Variants in SATB2 observed in about 807,000 individuals in gnomAD.
SATB2 encodes the protein DNA-binding protein SATB2.
SATB2 carries 1 observed loss-of-function variant against 73.4 expected under a neutral mutation model. That is an observed-to-expected ratio of 0.01 (90% CI 0.00 to 0.06). The LOEUF (loss-of-function observed/expected upper bound fraction) is 0.06. Among genes scored for constraint, SATB2 ranks in the 10% least tolerant of loss-of-function variants. SATB2 has a pLI of 1.00. For missense variants in SATB2, 459 were observed against 945.8 expected (o/e 0.49, Z 6.75); for synonymous variants, 397 against 367.0 (o/e 1.08, Z -0.93).
chr2:199,370,061 G>A (rs1419864981), intron 5 of SATB2, among the ~76,000 whole-genome samples: 1 of 152,070 alleles, frequency 6.6e-6, no homozygotes, highest in Admixed American at 6.6e-5. Context: ...GAACCTATGA[G>A]GCCTTGTCTC....
intron 10 of SATB2, among the ~76,000 whole-genome samples, chr2:199,273,394 C>G (rs1419485833): frequency 6.6e-6 from 1 of 152,166 alleles, no homozygotes; most frequent in East Asian, 1.9e-4. Flanking sequence ...TGCCTCATCT[C>G]TGGCTTAGAG....
In SATB2 at chr2:199,457,834, G is replaced by C. The variant is rs1299663077; in HGVS notation, c.-555C>G. ...CGGTAACACCAAGAGCCGAGAAGACGCAGGGACCCGGGACCGCGCGCGGGA... is the reference window on the plus strand; with the variant it reads ...CGGTAACACCAAGAGCCGAGAAGACCCAGGGACCCGGGACCGCGCGCGGGA... On this transcript the variant is annotated 5_prime_UTR_variant, in exon 1 of 11. Transcript: ENST00000417098. The surrounding 1 kb of genome is among the most constrained non-coding windows in gnomAD (Gnocchi z 4.8). 6.5e-6 allele frequency: 1 copy of C among 153,618 alleles called. No individual in the cohort carries two copies. The highest frequency in any genetic ancestry group is 1.9e-4 in the East Asian group (1 of 5,154). 9.5% of individuals were successfully genotyped at this position (153,618 alleles called of 1,614,324 possible). A position where few individuals can be genotyped will look rare whatever the true frequency, so the allele number is the denominator to read the frequency against.
chr2:199,393,404 G>A (rs1279964885), intron 3 of SATB2, among the ~76,000 whole-genome samples: 1 of 152,132 alleles, frequency 6.6e-6, no homozygotes, highest in East Asian at 1.9e-4. Flanking sequence ...ATATGGAAAA[G>A]TGAGCGCCCA....
chr2:199,418,136 G>A (rs1481106195), intron 3 of SATB2, among the ~76,000 whole-genome samples: 2 of 152,168 alleles, frequency 1.3e-5, no homozygotes, highest in African/African-American at 4.8e-5. Flanking sequence ...ACTTTATTTG[G>A]ATTGTTTCAT....
chr2:199,299,959 GT>G lies in SATB2; in HGVS notation c.1740+8800del, dbSNP rs543132055. ...ACCTCAATTTTAGTTTAGATTTATTGTTGTTGTTTTTTGTGGGTGGGAAGGG... is the reference window on the plus strand; with the variant it reads ...ACCTCAATTTTAGTTTAGATTTATTGTGTTGTTTTTTGTGGGTGGGAAGGG... On this transcript the variant is annotated intron_variant, in intron 10 of 10. Transcript: ENST00000417098. 1.1e-3 allele frequency among the ~76,000 whole-genome samples: 172 copies of G among 152,120 alleles called. No individual in the cohort carries two copies. In the Middle Eastern group the frequency reaches 0.014, roughly 12 times the overall value.
intron 9 of SATB2, among the ~76,000 whole-genome samples, chr2:199,321,731 G>A (rs1687898141): frequency 1.3e-5 from 2 of 151,518 alleles, no homozygotes; most frequent in African/African-American, 4.8e-5. Context: ...AATTGCCTTT[G>A]AAACTGCCAA....
chr2:199,338,102 G>A (rs911093976), intron 7 of SATB2, among the ~76,000 whole-genome samples: 3 of 152,062 alleles, frequency 2.0e-5, no homozygotes, highest in Non-Finnish European at 4.4e-5. Context: ...GGTGGCTCAC[G>A]CCTATAATCC....
intron 2 of SATB2, among the ~76,000 whole-genome samples, chr2:199,453,815 G>T (rs4675601): frequency 0.77 from 117,641 of 151,876 alleles, 47,775 homozygotes; most frequent in Non-Finnish European, 0.9. Context: ...CTATTATGCT[G>T]TCTTTTTTAA....
intron 3 of SATB2, among the ~76,000 whole-genome samples, chr2:199,409,658 TG>T (rs1188305654): frequency 2.2e-5 from 3 of 133,672 alleles, no homozygotes; most frequent in African/African-American, 5.3e-5. Context: ...AAGTTTTTTT[TG>T]TTTTTTTTTG....
intron 10 of SATB2, among the ~76,000 whole-genome samples, chr2:199,286,536 T>C (rs1340741929): frequency 6.6e-6 from 1 of 152,108 alleles, no homozygotes; most frequent in East Asian, 1.9e-4. Context: ...CCGGACCCTT[T>C]AGGACAGTCC....
chr2:199,290,365 C>A (rs1217539840), intron 10 of SATB2, among the ~76,000 whole-genome samples: 2 of 152,174 alleles, frequency 1.3e-5, no homozygotes, highest in African/African-American at 4.8e-5. Flanking sequence ...GTGTTATATT[C>A]ACCTCCACAT....
At chr2:199,338,001 G>A (rs1223868858) in intron 7 of SATB2, among the ~76,000 whole-genome samples, 1 of 152,064 alleles carries the variant, frequency 6.6e-6, no homozygotes, top group Non-Finnish European at 1.5e-5. Flanking sequence ...AAATCATACT[G>A]TAAATATAAC....
At chr2:199,407,937 A>G (rs542665039) in intron 3 of SATB2, among the ~76,000 whole-genome samples, 14 of 152,358 alleles carry the variant, frequency 9.2e-5, no homozygotes, top group African/African-American at 2.2e-4. Flanking sequence ...CAAAAATTAA[A>G]AAGTAAAAAA....
At chr2:199,311,716 C>G (rs967984041) in intron 9 of SATB2, among the ~76,000 whole-genome samples, 2 of 152,136 alleles carry the variant, frequency 1.3e-5, no homozygotes, top group Non-Finnish European at 2.9e-5. Context: ...CACTCTGGCT[C>G]GCTTGCTCAT....
At chr2:199,453,016 C>T (rs1307843920) in intron 2 of SATB2, among the ~76,000 whole-genome samples, 1 of 152,064 alleles carries the variant, frequency 6.6e-6, no homozygotes, top group African/African-American at 2.4e-5. Flanking sequence ...AGTGTATCTA[C>T]CCTCTCTTCT....
intron 2 of SATB2, among the ~76,000 whole-genome samples, chr2:199,440,109 T>TAAC (rs1386742881): frequency 2.6e-5 from 4 of 151,658 alleles, no homozygotes; most frequent in African/African-American, 9.7e-5. Flanking sequence ...CTGCCTCAAA[T>TAAC]AATAATAATA....
chr2:199,461,991 A>AGGGTGCC (rs1692486118), upstream of SATB2, among the ~76,000 whole-genome samples: 1 of 152,190 alleles, frequency 6.6e-6, no homozygotes, highest in Admixed American at 6.5e-5. Context: ...TGGAGGGTGC[A>AGGGTGCC]GGGTGCCGGG....
At chr2:199,276,677 T>C (rs1313587014) in intron 10 of SATB2, among the ~76,000 whole-genome samples, 1 of 152,226 alleles carries the variant, frequency 6.6e-6, no homozygotes, top group Admixed American at 6.5e-5. Flanking sequence ...TCTGAGATTT[T>C]CTTTATATTA....
At chr2:199,435,695 C>G (rs1389211786) in intron 2 of SATB2, among the ~76,000 whole-genome samples, 1 of 152,114 alleles carries the variant, frequency 6.6e-6, no homozygotes, top group Non-Finnish European at 1.5e-5. Context: ...CACTGAACAC[C>G]TACTATGTGA....
Sources: gnomAD v4.1 joint callset for allele counts (sites outside exome capture counted in the v4.1 genomes callset) on GRCh38, gnomAD v4.1.1 for gene constraint, Gnocchi (gnomAD v3.1) non-coding constraint, MANE v1.5 for transcripts, NCBI Gene and HGNC (gene_info 2026-07-23, HGNC 2026-07-21) for gene names.